Variants in PCDHGA1 observed in about 807,000 individuals in gnomAD.
The protein encoded by PCDHGA1 is protocadherin gamma-A1.
A neutral mutation model predicts 58.0 loss-of-function variants in PCDHGA1; 32 were observed. The ratio of observed to expected loss-of-function variants is 0.55; its 90% CI spans 0.42 to 0.74. PCDHGA1 has a LOEUF of 0.74. PCDHGA1 is among the 30% of genes least tolerant of loss of function. PCDHGA1 has a pLI of 0.00. For missense variants in PCDHGA1, 1,205 were observed against 1,182.3 expected (o/e 1.02, Z -0.28); for synonymous variants, 498 against 501.1 (o/e 0.99, Z 0.08).
intron 1 of PCDHGA1, chr5:141,397,859 C>T: frequency 1.8e-6 from 1 of 559,674 alleles, no homozygotes. Context: ...CTGTAGTTTC[C>T]TAGTGCTGAC....
At chr5:141,365,959 C>A in intron 1 of PCDHGA1, 1 of 1,614,262 alleles carries the variant, frequency 6.2e-7, no homozygotes, top group Non-Finnish European at 8.5e-7. Context: ...CTCCACTTAG[C>A]AGCAACGTGT....
intron 1 of PCDHGA1, chr5:141,413,664 T>A: frequency 6.2e-7 from 1 of 1,613,858 alleles, no homozygotes; most frequent in Non-Finnish European, 8.5e-7. Flanking sequence ...AAGCTATTGA[T>A]CCGGATGTGG....
At chr5:141,418,347 G>A in intron 1 of PCDHGA1, 1 of 1,614,024 alleles carries the variant, frequency 6.2e-7, no homozygotes, top group Non-Finnish European at 8.5e-7. Flanking sequence ...CCTGATATTA[G>A]TATGAATTCG....
At chr5:141,453,046 T>C (rs1561950003) in intron 1 of PCDHGA1, among the ~76,000 whole-genome samples, 1 of 152,186 alleles carries the variant, frequency 6.6e-6, no homozygotes, top group Non-Finnish European at 1.5e-5. Context: ...GTTTCTATTA[T>C]GTGCAGTTTT....
At chr5:141,366,368 A>G (rs1198628601) in intron 1 of PCDHGA1, 3 of 1,613,858 alleles carry the variant, frequency 1.9e-6, no homozygotes, top group South Asian at 2.2e-5. Context: ...CAGTATCAAG[A>G]CCCCCATTGA....
At position 141,340,204 on chromosome 5, in the gene PCDHGA1, C is replaced by T. The variant is rs756707441; in HGVS notation, c.2421+7099C>T. Reference sequence around the variant, plus strand: ...GACTGGTTACAACCAGAGCCCTTGACAGGGAACAGTTTTCCTTTTACAACA... The same window carrying T: ...GACTGGTTACAACCAGAGCCCTTGATAGGGAACAGTTTTCCTTTTACAACA... On this transcript the variant is annotated intron_variant, in intron 1 of 3. Transcript: ENST00000517417. 3.7e-6 allele frequency: 6 copies of T among 1,613,976 alleles called. No individual in the cohort carries two copies. In the East Asian group the frequency reaches 1.3e-4, roughly 36 times the overall value.
chr5:141,459,992 C>T (rs1327580257), intron 1 of PCDHGA1, among the ~76,000 whole-genome samples: 1 of 152,126 alleles, frequency 6.6e-6, no homozygotes, highest in Admixed American at 6.5e-5. Flanking sequence ...ACAGGAGAAT[C>T]GCTTGAACCC....
At position 141,340,670 on chromosome 5, in the gene PCDHGA1, T is replaced by C. The variant is rs148764074; in HGVS notation, c.2421+7565T>C. 116 of 1,614,176 alleles carry C rather than the reference T, an allele frequency of 7.2e-5. No homozygotes were observed. In the African/African-American group the frequency reaches 9.6e-4, roughly 13 times the overall value. Reference sequence around the variant, plus strand: ...CGCGCCCGAGATCCTGTACCCTGCCTTCCCCACAGACGGTTCCACTGGCGT... The same window carrying C: ...CGCGCCCGAGATCCTGTACCCTGCCCTCCCCACAGACGGTTCCACTGGCGT... On this transcript the variant is annotated intron_variant, in intron 1 of 3. Transcript: ENST00000517417.
At chr5:141,374,203 G>A (rs375029709) in intron 1 of PCDHGA1, 16 of 1,613,808 alleles carry the variant, frequency 9.9e-6, no homozygotes, top group Non-Finnish European at 1.1e-5. Flanking sequence ...AGGAGCTGGA[G>A]AAAGGCTCCT....
At chr5:141,426,933 G>A (rs1294433096) in intron 1 of PCDHGA1, 1 of 456,660 alleles carries the variant, frequency 2.2e-6, no homozygotes, top group Non-Finnish European at 4.4e-6. Context: ...GGACATGGGT[G>A]ACCCAGTCCC....
At chr5:141,340,275 A>G in intron 1 of PCDHGA1, 1 of 1,614,144 alleles carries the variant, frequency 6.2e-7, no homozygotes, top group Non-Finnish European at 8.5e-7. Flanking sequence ...CTGTCCACGG[A>G]TGCTCACATT....
Position 141,365,897 on chromosome 5 carries a change from G to A in PCDHGA1, c.2421+32792G>A, listed in dbSNP as rs1278621705. The A allele has an allele frequency of 3.1e-6, 5 of 1,614,214 alleles. No individual in the cohort carries two copies. Among genetic ancestry groups the A allele is most frequent in the Admixed American group, 3.3e-5 (2 of 60,030 alleles). On this transcript the variant is annotated intron_variant, in intron 1 of 3. Transcript: ENST00000517417. ...GTATGCTCTGAGATCCTTCGACTAT[G>A]AGCAGTTGAGAGACCTACAGTTGTG...
At chr5:141,379,059 G>A (rs1775341462) in intron 1 of PCDHGA1, 1 of 152,158 alleles carries the variant, frequency 6.6e-6, no homozygotes, top group Admixed American at 6.5e-5. Context: ...GAATGGATTG[G>A]CCACTTGTGC....
intron 1 of PCDHGA1, chr5:141,375,845 G>C (rs1308593204): frequency 6.2e-7 from 1 of 1,614,076 alleles, no homozygotes; most frequent in East Asian, 2.2e-5. Flanking sequence ...CGGCTACCTG[G>C]TGACCAAGGT....
rs1561748501 is a variant in PCDHGA1 at position 141,414,351 on chromosome 5, G to GT, written c.2422-80455dup. On this transcript the variant is annotated intron_variant, in intron 1 of 3. Coordinates refer to ENST00000517417, the MANE Select transcript of PCDHGA1 (RefSeq NM_018912.3). ...GACAGGTAACCTGTTCCATTTTGGC[G>GT]TATCTACCATTTAAATTAGAAAAGT... 2.5e-6 allele frequency: 4 copies of GT among 1,613,794 alleles called. No individual in the cohort carries two copies. The South Asian group carries it at 3.3e-5, about 13-fold the overall frequency.
chr5:141,365,603 A>G (rs1198770505), intron 1 of PCDHGA1: 5 of 1,613,602 alleles, frequency 3.1e-6, no homozygotes, highest in Non-Finnish European at 3.4e-6. Context: ...TTTAACCGTC[A>G]TGGACCATGG....
In PCDHGA1 at chr5:141,431,321, G is replaced by A. The variant is rs112186927; in HGVS notation, c.2422-63486G>A. The A allele has an allele frequency of 1.2e-6, 2 of 1,613,938 alleles. No individual in the cohort carries two copies. The highest frequency in any genetic ancestry group is 1.3e-5 in the African/African-American group (1 of 74,910). ...CCTCATCGTGCAAAATGGAGCCGAC[G>A]GTAGTAAGTACCCCGAATTGGTGCT... is the stretch of plus-strand genomic sequence containing the variant. On this transcript the variant is annotated intron_variant, in intron 1 of 3. Transcript: ENST00000517417. The surrounding 1 kb of genome is among the most constrained non-coding windows in gnomAD (Gnocchi z 4.8).
intron 1 of PCDHGA1, chr5:141,441,867 GCCTGGCTA>G (rs2098280856): frequency 1.2e-5 from 4 of 345,682 alleles, no homozygotes; most frequent in Non-Finnish European, 2.3e-5. Flanking sequence ...ACGCCGCGGA[GCCTGGCTA>G]CCTGGTCACC....
intron 1 of PCDHGA1, chr5:141,400,251 C>T (rs2093990443): frequency 6.2e-7 from 1 of 1,614,014 alleles, no homozygotes; most frequent in Non-Finnish European, 8.5e-7. Flanking sequence ...TGGCCGTTGC[C>T]TTGCGCCTGC....
Sources: allele counts gnomAD v4.1 joint callset (sites outside exome capture counted in the v4.1 genomes callset), GRCh38; gene constraint gnomAD v4.1.1; non-coding constraint Gnocchi (gnomAD v3.1); transcripts MANE v1.5; gene names NCBI Gene and HGNC (gene_info 2026-07-23, HGNC 2026-07-21).